Variants in NRXN1 observed in about 807,000 individuals in gnomAD.
NRXN1 encodes neurexin 1.
A neutral mutation model predicts 150.9 loss-of-function variants in NRXN1; 39 were observed. That is an observed-to-expected ratio of 0.26 (90% confidence interval 0.20 to 0.34). The LOEUF (loss-of-function observed/expected upper bound fraction) is 0.34, where lower values mean the gene tolerates loss of function less well. NRXN1 is among the 10% of genes least tolerant of loss of function. The pLI is 1.00. For synonymous variants in NRXN1, 924 were observed against 757.0 expected, an observed-to-expected ratio of 1.22 and a Z score of -3.62; for missense variants, 1,815 against 1,949.9, an observed-to-expected ratio of 0.93 and a Z score of 1.30.
At chr2:50,308,196 T>C (rs963664738) in intron 17 of NRXN1, among the ~76,000 whole-genome samples, 4 of 152,188 alleles carry the variant, frequency 2.6e-5, no homozygotes, top group Non-Finnish European at 4.4e-5. Context: ...AGCTGTACAT[T>C]AGATCACTAG....
chr2:50,786,819 C>G (rs1421284940), intron 5 of NRXN1, among the ~76,000 whole-genome samples: 1 of 152,084 alleles, frequency 6.6e-6, no homozygotes, highest in East Asian at 1.9e-4. Flanking sequence ...GTAAACCAAC[C>G]TTCCCTCAAA....
intron 5 of NRXN1, among the ~76,000 whole-genome samples, chr2:50,661,931 G>C (rs1290017686): frequency 6.6e-6 from 1 of 152,030 alleles, no homozygotes. Context: ...GAAGGGAATT[G>C]TTTGGTCTGT....
intron 2 of NRXN1, among the ~76,000 whole-genome samples, chr2:50,999,067 C>G (rs1364461062): frequency 6.6e-6 from 1 of 151,962 alleles, no homozygotes; most frequent in East Asian, 1.9e-4. Context: ...TGGTATACTT[C>G]CAAGTGCTTT....
intron 5 of NRXN1, among the ~76,000 whole-genome samples, chr2:50,659,338 A>C (rs1393808980): frequency 2.0e-5 from 3 of 152,098 alleles, no homozygotes; most frequent in Non-Finnish European, 4.4e-5. Flanking sequence ...AAACACGTTC[A>C]TTTGATAGGC....
intron 5 of NRXN1, among the ~76,000 whole-genome samples, chr2:50,719,813 GA>G (rs1160502594): frequency 6.6e-6 from 1 of 152,114 alleles, no homozygotes; most frequent in Admixed American, 6.5e-5. Flanking sequence ...CTCTCATCCT[GA>G]AAGGCTTCCT....
intron 18 of NRXN1, among the ~76,000 whole-genome samples, chr2:50,100,476 T>C (rs1015226178): frequency 3.9e-5 from 6 of 152,128 alleles, no homozygotes; most frequent in African/African-American, 1.4e-4. Flanking sequence ...GCTGGATCTT[T>C]GAATGGGGTA....
At chr2:50,762,652 T>A (rs1701938294) in intron 5 of NRXN1, among the ~76,000 whole-genome samples, 1 of 151,938 alleles carries the variant, frequency 6.6e-6, no homozygotes, top group Non-Finnish European at 1.5e-5. Flanking sequence ...GTATCAATGT[T>A]GCTGCAAAAA....
At chr2:50,691,818 C>T (rs2104883934) in intron 5 of NRXN1, among the ~76,000 whole-genome samples, 1 of 152,222 alleles carries the variant, frequency 6.6e-6, no homozygotes, top group East Asian at 1.9e-4. Flanking sequence ...CTCTCATTCA[C>T]TTTCTCTCTC....
intron 17 of NRXN1, among the ~76,000 whole-genome samples, chr2:50,371,520 G>T (rs1331663273): frequency 2.0e-5 from 3 of 152,010 alleles, no homozygotes; most frequent in Non-Finnish European, 4.4e-5. Context: ...TAATTATGGG[G>T]ATTATGTGGT....
intron 22 of NRXN1, among the ~76,000 whole-genome samples, chr2:49,932,528 C>T (rs1670315150): frequency 6.6e-6 from 1 of 151,794 alleles, no homozygotes; most frequent in African/African-American, 2.4e-5. Flanking sequence ...TCCTCCTTTC[C>T]AAATTAATAG....
chr2:50,250,615 T>C (rs977650454), intron 17 of NRXN1, among the ~76,000 whole-genome samples: 1 of 152,068 alleles, frequency 6.6e-6, no homozygotes, highest in Non-Finnish European at 1.5e-5. Flanking sequence ...TTATTAAAAA[T>C]TCTATGAAAT....
rs191554582 is a variant in NRXN1, at chr2:50,552,241, T to A, written c.1759+346A>T. On this transcript the variant is annotated intron_variant, in intron 9 of 22. Coordinates refer to ENST00000401669, the MANE Select transcript of NRXN1 (RefSeq NM_001330078.2). ...TTGCCACTTCGGGTACCTCCAAACA[T>A]CCAATAACATAAGAGAAAACTGGGA... is the stretch of plus-strand genomic sequence containing the variant. 8.0e-3 allele frequency among the ~76,000 whole-genome samples: 1,216 copies of A among 152,260 alleles called. 12 individuals carry two copies. The highest frequency in any genetic ancestry group is 0.027 in the African/African-American group (1,109 of 41,548).
chr2:50,151,006 T>C (rs2058665422), intron 18 of NRXN1, among the ~76,000 whole-genome samples: 1 of 151,770 alleles, frequency 6.6e-6, no homozygotes, highest in African/African-American at 2.4e-5. Context: ...TCAGATTTGT[T>C]TCCCACAGGG....
At position 50,835,223 on chromosome 2, in the gene NRXN1, A is replaced by C. The variant is rs891021385; in HGVS notation, c.832+86646T>G. Among the ~76,000 whole-genome samples the C allele has an allele frequency of 5.3e-5, 8 of 152,030 alleles. No individual in the cohort carries two copies. The South Asian group carries it at 6.2e-4, about 12-fold the overall frequency. On this transcript the variant is annotated intron_variant, in intron 5 of 22. Transcript: ENST00000401669. ...GAAGTCACCTTTCAGATTGTCTCCC[A>C]AAAAAAATTTAAACTCCTAAGTGAA...
chr2:50,232,387 CTTTTTTT>C (rs56846249), intron 18 of NRXN1, among the ~76,000 whole-genome samples: 1 of 55,232 alleles, frequency 1.8e-5, no homozygotes, highest in Non-Finnish European at 3.9e-5. Context: ...CTTTTCTTTT[CTTTTTTT>C]TTTTTTTTTT....
chr2:49,970,626 T>G (rs1677781114), intron 21 of NRXN1: 1 of 152,074 alleles, frequency 6.6e-6, no homozygotes, highest in Non-Finnish European at 1.5e-5. Flanking sequence ...AGCTGTCAAG[T>G]AAATGTAAAT....
intron 2 of NRXN1, among the ~76,000 whole-genome samples, chr2:50,986,469 T>C (rs1468132494): frequency 6.6e-6 from 1 of 151,750 alleles, no homozygotes; most frequent in Non-Finnish European, 1.5e-5. Flanking sequence ...AAATACATCA[T>C]CTTCTATGCC....
chr2:50,385,378 T>C (rs1442742013), intron 17 of NRXN1, among the ~76,000 whole-genome samples: 2 of 152,218 alleles, frequency 1.3e-5, no homozygotes, highest in African/African-American at 2.4e-5. Flanking sequence ...GATCACAGCA[T>C]AGTTAACTTA....
chr2:50,423,114 T>C (rs1007953288), intron 17 of NRXN1, among the ~76,000 whole-genome samples: 1 of 152,180 alleles, frequency 6.6e-6, no homozygotes, highest in Non-Finnish European at 1.5e-5. Context: ...TATTTCCTCA[T>C]TCCCTGGTGA....
Sources: allele counts gnomAD v4.1 joint callset (sites outside exome capture counted in the v4.1 genomes callset), GRCh38; gene constraint gnomAD v4.1.1; transcripts MANE v1.5; gene names NCBI Gene and HGNC (gene_info 2026-07-23, HGNC 2026-07-21).